XRN1: variants seen among roughly 807,000 people sequenced by gnomAD.
XRN1 encodes the protein strand-exchange protein 1 homolog.
Under a neutral mutation model 222.3 loss-of-function variants are expected in XRN1, and 67 were observed. The ratio of observed to expected loss-of-function variants is 0.30; its 90% CI spans 0.25 to 0.37. The LOEUF is 0.37. Ranked by LOEUF, XRN1 falls within the 10% of genes least tolerant of loss-of-function variation. The pLI is 1.00. For missense variants in XRN1, 1,707 were observed against 2,000.2 expected (o/e 0.85, Z 2.80); for synonymous variants, 643 against 652.4 (o/e 0.99, Z 0.22).
At chr3:142,334,839 A>G (rs1200870921) in intron 34 of XRN1, among the ~76,000 whole-genome samples, 1 of 144,004 alleles carries the variant, frequency 6.9e-6, no homozygotes, top group Non-Finnish European at 1.6e-5. Context: ...ACAAGTGATT[A>G]ATTTTTTTTT....
intron 39 of XRN1, among the ~76,000 whole-genome samples, chr3:142,313,374 AT>A (rs750553365): frequency 6.6e-6 from 1 of 152,168 alleles, no homozygotes; most frequent in East Asian, 1.9e-4. Flanking sequence ...TGAAATACAG[AT>A]TCCTGGACAG....
intron 36 of XRN1, 66 bp from the exon 37 acceptor site, chr3:142,329,681 G>A (rs912578395): frequency 3.4e-6 from 5 of 1,454,210 alleles, no homozygotes; most frequent in Admixed American, 2.8e-5. Flanking sequence ...TGCACTTATT[G>A]TAGGGTTTTA....
At chr3:142,381,858 AC>A (rs2067316929) in intron 22 of XRN1, among the ~76,000 whole-genome samples, 1 of 152,008 alleles carries the variant, frequency 6.6e-6, no homozygotes, top group Admixed American at 6.6e-5. Flanking sequence ...GAGCCACCAT[AC>A]CCAGCCAACA....
chr3:142,345,966 C>T (rs183913864), intron 33 of XRN1, among the ~76,000 whole-genome samples: 71 of 152,248 alleles, frequency 4.7e-4, no homozygotes, highest in African/African-American at 1.6e-3. Flanking sequence ...CCAAACAGTT[C>T]GGCAGTTATA....
chr3:142,323,503 T>C (rs2065422865), intron 37 of XRN1, among the ~76,000 whole-genome samples: 1 of 152,094 alleles, frequency 6.6e-6, no homozygotes, highest in African/African-American at 2.4e-5. Context: ...TTTAATGTAA[T>C]ATTAAAGTAT....
chr3:142,347,193 A>C lies in XRN1; in HGVS notation c.3877+41T>G, dbSNP rs1018695088. On this transcript the variant is annotated intron_variant, in intron 33 of 40. Transcript: ENST00000392981. ...TAAAATGTTTATTTTTTTAAAAAAG[A>C]AGCAGCACACACAAGTACACCTTTC... The C allele has an allele frequency of 1.1e-5, 14 of 1,276,600 alleles. No individual in the cohort carries two copies. In the Admixed American group the frequency reaches 1.8e-4, roughly 17 times the overall value. The allele number at this position is 1,276,600 out of a possible 1,614,324, so 79.1% of individuals were successfully genotyped here.
intron 33 of XRN1, among the ~76,000 whole-genome samples, chr3:142,339,491 G>C (rs1268404401): frequency 6.6e-6 from 1 of 152,170 alleles, no homozygotes; most frequent in African/African-American, 2.4e-5. Context: ...AAGACTACGA[G>C]ATGTATCTAA....
At chr3:142,423,533 T>C in intron 6 of XRN1, 27 bp downstream of exon 6, 1 of 1,543,664 alleles carries the variant, frequency 6.5e-7, no homozygotes, top group Non-Finnish European at 8.7e-7. Context: ...AATTTCTTTC[T>C]TCCAACATAT....
rs561292451 is a variant in XRN1 at position 142,320,129 on chromosome 3, T to C, written c.4405-1226A>G. 3.9e-5 allele frequency among the ~76,000 whole-genome samples: 6 copies of C among 152,324 alleles called. No homozygotes were observed. The South Asian group carries it at 1.2e-3, about 32-fold the overall frequency. ...CTGGATTAAATCATAGTTCTATTTT[T>C]AGCTCTTTGAGAAACCACCATACTG... On this transcript the variant is annotated intron_variant, in intron 37 of 40. Coordinates refer to ENST00000392981, the MANE Select transcript of XRN1 (RefSeq NM_001282857.2).
intron 18 of XRN1, among the ~76,000 whole-genome samples, chr3:142,403,354 C>T (rs1023400483): frequency 8.5e-5 from 13 of 152,082 alleles, no homozygotes; most frequent in South Asian, 2.1e-4. Context: ...GAATGCCTTT[C>T]CCCTCCTTTT....
chr3:142,362,685 T>C (rs1203152262), intron 29 of XRN1, among the ~76,000 whole-genome samples: 2 of 149,960 alleles, frequency 1.3e-5, no homozygotes, highest in African/African-American at 2.5e-5. Flanking sequence ...TCTTCTTTTC[T>C]TTTTCTCTCC....
intron 5 of XRN1, among the ~76,000 whole-genome samples, chr3:142,423,947 T>C (rs1438412087): frequency 6.6e-6 from 1 of 152,060 alleles, no homozygotes; most frequent in Non-Finnish European, 1.5e-5. Context: ...TATTTCTACT[T>C]GCCGTGGGGG....
chr3:142,339,280 G>A (rs2065923841), intron 33 of XRN1, among the ~76,000 whole-genome samples: 1 of 152,144 alleles, frequency 6.6e-6, no homozygotes, highest in South Asian at 2.1e-4. Context: ...GAGAACAAGA[G>A]TCTGCCTGGG....
chr3:142,440,521 G>A (rs1324374658), intron 1 of XRN1, among the ~76,000 whole-genome samples: 1 of 151,216 alleles, frequency 6.6e-6, no homozygotes, highest in Non-Finnish European at 1.5e-5. Context: ...CCCTACCAAA[G>A]GCAGTACCCC....
At chr3:142,318,717 C>G (rs971271145) in intron 38 of XRN1, 23 bp from the exon 39 acceptor site, 4 of 1,609,536 alleles carry the variant, frequency 2.5e-6, no homozygotes, top group Non-Finnish European at 3.4e-6. Flanking sequence ...TTAAAAGTTA[C>G]AAGACAATGC....
At chr3:142,392,112 T>C (rs2067748376) in intron 20 of XRN1, among the ~76,000 whole-genome samples, 1 of 152,126 alleles carries the variant, frequency 6.6e-6, no homozygotes, top group African/African-American at 2.4e-5. Context: ...AGTTGTTTGT[T>C]TTCATACCAT....
intron 29 of XRN1, among the ~76,000 whole-genome samples, chr3:142,364,706 A>G (rs2066762677): frequency 6.6e-6 from 1 of 152,198 alleles, no homozygotes; most frequent in Non-Finnish European, 1.5e-5. Flanking sequence ...AGCTCTGAGC[A>G]ATGAAACTCA....
Position 142,447,975 on chromosome 3 carries a change from C to T in XRN1, c.-31G>A, listed in dbSNP as rs371563012. The T allele has an allele frequency of 3.1e-6, 5 of 1,610,660 alleles. No homozygotes were observed. The highest frequency in any genetic ancestry group is 2.2e-5 in the South Asian group (2 of 90,810). ...TCGTCAACACTAATCCCAGTCAGGG[C>T]CAAACCGAAACCAAACGCCCCGCCG... On this transcript the variant is annotated 5_prime_UTR_variant, in exon 1 of 41. Coordinates refer to ENST00000392981, the MANE Select transcript of XRN1 (RefSeq NM_001282857.2). This position sits in a 1 kb window ranked among gnomAD's most constrained non-coding sequence, Gnocchi z 4.2.
chr3:142,397,322 T>C lies in XRN1; in HGVS notation c.2339+7A>G. On this transcript the variant is annotated splice_region_variant and intron_variant, in intron 20 of 40. Transcript: ENST00000392981. ...CCATGATATTAAATACTTTTAACGA[T>C]ACTCACTGTTCTGAAATTCCTTGTA... The C allele has an allele frequency of 6.3e-7, 1 of 1,577,570 alleles. No homozygotes were observed. Among genetic ancestry groups the C allele is most frequent in the African/African-American group, 1.4e-5 (1 of 73,512 alleles).
Sources: gnomAD v4.1 joint callset for allele counts (sites outside exome capture counted in the v4.1 genomes callset) on GRCh38, gnomAD v4.1.1 for gene constraint, Gnocchi (gnomAD v3.1) non-coding constraint, MANE v1.5 for transcripts, NCBI Gene and HGNC (gene_info 2026-07-23, HGNC 2026-07-21) for gene names.